Variants in NDUFS1 observed in about 807,000 individuals in gnomAD.
NDUFS1 encodes NADH-ubiquinone oxidoreductase 75 kDa subunit, mitochondrial.
A neutral mutation model predicts 84.4 loss-of-function variants in NDUFS1; 61 were observed. The observed-to-expected ratio is 0.72, with a 90% confidence interval of 0.59 to 0.89. The LOEUF (loss-of-function observed/expected upper bound fraction) is 0.89. Ranked by LOEUF, NDUFS1 falls within the 40% of genes least tolerant of loss-of-function variation. The pLI, the probability that NDUFS1 is intolerant of heterozygous loss-of-function variation, is 0.00. For missense variants in NDUFS1, 891 were observed against 890.0 expected, an observed-to-expected ratio of 1.00 and a Z score of -0.01; for synonymous variants, 275 against 290.0, an observed-to-expected ratio of 0.95 and a Z score of 0.53.
rs1026177398 is a variant in NDUFS1, at chr2:206,118,218, T to C, written c.*5967A>G. ...GAGATCCTTGTTCTCTTAAAATCTG[T>C]GATCTGAAATCTAGTCAGTTTTCTC... On this transcript the variant is annotated 3_prime_UTR_variant, in exon 19 of 19. Coordinates refer to ENST00000233190, the MANE Select transcript of NDUFS1 (RefSeq NM_005006.7). The C allele has an allele frequency of 4.6e-5, 7 of 152,256 alleles. No individual in the cohort carries two copies. The highest frequency in any genetic ancestry group is 1.3e-4 in the Admixed American group (2 of 15,282). 9.4% of individuals were successfully genotyped at this position (152,256 alleles called of 1,614,324 possible). A position where few individuals can be genotyped will look rare whatever the true frequency, so the allele number is the denominator to read the frequency against.
chr2:206,132,086 C>T (rs1691534384), intron 14 of NDUFS1, among the ~76,000 whole-genome samples: 1 of 151,624 alleles, frequency 6.6e-6, no homozygotes, highest in African/African-American at 2.4e-5. Context: ...GATCATGCCA[C>T]TGTACTTCAG....
Position 206,126,555 on chromosome 2 carries a change from TTTTA to T in NDUFS1, c.2072_2075del (p.Ile691LysfsTer5). The stretch of plus-strand genomic sequence containing the variant: ...ATTACATACCTGTCATGTAGAAGTC[TTTTA>T]TAGTTAGCTGAGGTGGAACAAGTGG... On this transcript the variant is annotated frameshift_variant, in exon 18 of 19. Transcript: ENST00000233190. LOFTEE classifies it high-confidence loss of function. 1 of 1,614,172 alleles carries T rather than the reference TTTTA, an allele frequency of 6.2e-7. No homozygotes were observed. Among genetic ancestry groups the T allele is most frequent in the Non-Finnish European group, 8.5e-7 (1 of 1,180,012 alleles).
At position 206,118,857 on chromosome 2, in the gene NDUFS1, G is replaced by A. The variant is rs1483640950; in HGVS notation, c.*5328C>T. The A allele has an allele frequency of 6.6e-6, 1 of 152,232 alleles. No individual in the cohort carries two copies. The highest frequency in any genetic ancestry group is 2.4e-5 in the African/African-American group (1 of 41,462). The allele number at this position is 152,232 out of a possible 1,614,324, so 9.4% of individuals were successfully genotyped here. ...AATCCCAGCACTCTGGGAGGTTGAG[G>A]CGGGTGGATCACCTGAGGTCAGGAG... On this transcript the variant is annotated 3_prime_UTR_variant, in exon 19 of 19. Coordinates refer to ENST00000233190, the MANE Select transcript of NDUFS1 (RefSeq NM_005006.7).
rs961126638 is a variant in NDUFS1, at chr2:206,153,553, T to C, written c.61+65A>G. 7 of 971,430 alleles carry C rather than the reference T, an allele frequency of 7.2e-6. No individual in the cohort carries two copies. In the African/African-American group the frequency reaches 9.7e-5, roughly 14 times the overall value. The allele number at this position is 971,430 out of a possible 1,614,324, so 60.2% of individuals were successfully genotyped here. A position where few individuals can be genotyped will look rare whatever the true frequency, so the allele number is the denominator to read the frequency against. ...TTAGGGTCTTTGATAAACTATGCCA[T>C]AGACTTATAAATTTACAAAAATAAG... On this transcript the variant is annotated intron_variant, in intron 2 of 18. Coordinates refer to ENST00000233190, the MANE Select transcript of NDUFS1 (RefSeq NM_005006.7).
chr2:206,135,101 C>G (rs917130658), intron 13 of NDUFS1, among the ~76,000 whole-genome samples: 1 of 152,034 alleles, frequency 6.6e-6, no homozygotes, highest in Non-Finnish European at 1.5e-5. Flanking sequence ...TCACTGTGAC[C>G]TCCACCTCCC....
Position 206,119,118 on chromosome 2 carries a change from T to G in NDUFS1, c.*5067A>C, listed in dbSNP as rs1691028608. 1 of 152,122 alleles carries G rather than the reference T, an allele frequency of 6.6e-6. No homozygotes were observed. The allele number at this position is 152,122 out of a possible 1,614,324, so 9.4% of individuals were successfully genotyped here. On this transcript the variant is annotated 3_prime_UTR_variant, in exon 19 of 19. Coordinates refer to ENST00000233190, the MANE Select transcript of NDUFS1 (RefSeq NM_005006.7). ...AACAAAGAAACAAAAAGGAATGCAC[T>G]TCTTAATAAGCTGGAGATTATTTTA... is the stretch of plus-strand genomic sequence containing the variant.
chr2:206,145,648 G>A (rs1692127144), intron 8 of NDUFS1, among the ~76,000 whole-genome samples: 1 of 152,164 alleles, frequency 6.6e-6, no homozygotes. Context: ...CATTTCAGCA[G>A]TTTAGAAATC....
rs572673677 is a variant in NDUFS1 at position 206,124,623 on chromosome 2, A to G, written c.2093-347T>C. 2.0e-5 allele frequency among the ~76,000 whole-genome samples: 3 copies of G among 152,178 alleles called. No homozygotes were observed. In the East Asian group the frequency reaches 5.8e-4, roughly 29 times the overall value. On this transcript the variant is annotated intron_variant, in intron 18 of 18. Coordinates refer to ENST00000233190, the MANE Select transcript of NDUFS1 (RefSeq NM_005006.7). Reference sequence around the variant, plus strand: ...GGGAGGCCGAGGCAGGTGGATCACGAGGTCAGGAGATTGAGACCATCCTGG... The same window carrying G: ...GGGAGGCCGAGGCAGGTGGATCACGGGGTCAGGAGATTGAGACCATCCTGG...
At chr2:206,126,982 A>G (rs1691318370) in intron 16 of NDUFS1, 138 bp from the exon 17 acceptor site, 1 of 1,051,558 alleles carries the variant, frequency 9.5e-7, no homozygotes, top group Admixed American at 2.1e-5. Context: ...ACATACATTT[A>G]TGAAGGAAGC....
intron 7 of NDUFS1, 106 bp from the exon 8 acceptor site, chr2:206,147,194 G>A: frequency 8.6e-7 from 1 of 1,164,036 alleles, no homozygotes; most frequent in Non-Finnish European, 1.3e-6. Flanking sequence ...AAAGAAATGA[G>A]TATATTTTTA....
chr2:206,125,094 C>T (rs1035035577), intron 18 of NDUFS1, among the ~76,000 whole-genome samples: 22 of 119,330 alleles, frequency 1.8e-4, no homozygotes, highest in African/African-American at 7.1e-4. Context: ...CATCTGCCCC[C>T]CTCAGCCTCC....
At chr2:206,158,623 C>T (rs564064033) in intron 1 of NDUFS1, among the ~76,000 whole-genome samples, 1 of 152,230 alleles carries the variant, frequency 6.6e-6, no homozygotes, top group East Asian at 1.9e-4. Flanking sequence ...AAGAATATTC[C>T]GCAAAACAAA....
intron 1 of NDUFS1, among the ~76,000 whole-genome samples, chr2:206,154,231 C>T (rs983915741): frequency 3.3e-5 from 5 of 152,208 alleles, no homozygotes; most frequent in Admixed American, 6.5e-5. Flanking sequence ...TTTATAAGCC[C>T]GTTCTGCCCT....
At chr2:206,149,988 T>C (rs932413647) in intron 3 of NDUFS1, 63 bp from the exon 4 acceptor site, 11 of 1,135,696 alleles carry the variant, frequency 9.7e-6, no homozygotes, top group Non-Finnish European at 1.5e-5. Context: ...TCACTGCTGT[T>C]ATTGCTGAAA....
intron 12 of NDUFS1, among the ~76,000 whole-genome samples, chr2:206,141,021 G>A (rs1691926384): frequency 6.6e-6 from 1 of 150,720 alleles, no homozygotes; most frequent in Non-Finnish European, 1.5e-5. Context: ...TATACAAAAT[G>A]GTATACAAAG....
In NDUFS1 at chr2:206,144,966, T is replaced by G. The variant is rs1340667509; in HGVS notation, c.798A>C (p.Arg266Ser). 6.2e-7 allele frequency: 1 copy of G among 1,614,084 alleles called. No homozygotes were observed. The highest frequency in any genetic ancestry group is 1.7e-5 in the Admixed American group (1 of 60,016). The stretch of plus-strand genomic sequence containing the variant: ...GCAAAATCCTCATCACTTCTCCAGT[T>G]CTTGTGCTAACCACAATATTACTTC... ...AVGSNIVVST[R>S]TGEVMRILPR... is the part of the protein sequence containing the mutation. Residue 266 changes from arginine to serine, a missense_variant, in exon 9 of 19, where the codon AGA (arginine) becomes AGC (serine). Physicochemically the swap from Arg to Ser is moderately radical, Grantham distance 110. Transcript: ENST00000233190.
chr2:206,128,444 G>T (rs919250476), intron 15 of NDUFS1, among the ~76,000 whole-genome samples: 8 of 151,266 alleles, frequency 5.3e-5, no homozygotes, highest in African/African-American at 1.9e-4. Context: ...GGGATTACAG[G>T]CATGAGCCAC....
chr2:206,155,733 T>A (rs1242024937), intron 1 of NDUFS1, among the ~76,000 whole-genome samples: 2 of 148,888 alleles, frequency 1.3e-5, no homozygotes, highest in Admixed American at 6.7e-5. Context: ...TTTTATTTTT[T>A]AGTAGAGATG....
Position 206,134,821 on chromosome 2 carries a change from A to AC in NDUFS1, c.1393-1717_1393-1716insG, listed in dbSNP as rs202224736. 7.8e-3 allele frequency among the ~76,000 whole-genome samples: 1,182 copies of AC among 152,020 alleles called. 12 individuals are homozygous for AC. Among genetic ancestry groups the AC allele is most frequent in the East Asian group, 0.02 (105 of 5,140 alleles). The stretch of plus-strand genomic sequence containing the variant: ...ATGAGCCCCATCTATACAAAAAAAT[A>AC]TAAAAATTAGCTGGGCATGGTGGTG... On this transcript the variant is annotated intron_variant, in intron 13 of 18. Transcript: ENST00000233190.
Sources: allele counts gnomAD v4.1 joint callset (sites outside exome capture counted in the v4.1 genomes callset), GRCh38; gene constraint gnomAD v4.1.1; transcripts MANE v1.5; gene names NCBI Gene and HGNC (gene_info 2026-07-23, HGNC 2026-07-21).